COP1: variants seen among roughly 807,000 people sequenced by gnomAD.
COP1 encodes E3 ubiquitin-protein ligase COP1.
Under a neutral mutation model 101.3 loss-of-function variants are expected in COP1, and 24 were observed. The observed-to-expected ratio is 0.24, with a 90% CI of 0.17 to 0.33. The LOEUF (loss-of-function observed/expected upper bound fraction) is 0.33. COP1 is among the 10% of genes least tolerant of loss of function. COP1 has a pLI of 1.00. For missense variants in COP1, 663 were observed against 906.2 expected (o/e 0.73, Z 3.45); for synonymous variants, 347 against 341.9 (o/e 1.01, Z -0.17).
chr1:176,043,377 GACA>G, intron 13 of COP1, 110 bp from the exon 14 acceptor site: 1 of 653,878 alleles, frequency 1.5e-6, no homozygotes, highest in Non-Finnish European at 2.6e-6. Flanking sequence ...GAGAGGGAAA[GACA>G]ACAGGCTAGA....
At chr1:176,069,006 G>A (rs755316409) in intron 11 of COP1, among the ~76,000 whole-genome samples, 3 of 152,090 alleles carry the variant, frequency 2.0e-5, no homozygotes, top group Non-Finnish European at 2.9e-5. Flanking sequence ...CGGCAACATG[G>A]TGAGATCCTG....
chr1:176,081,248 T>C lies in COP1; in HGVS notation c.1181A>G (p.Glu394Gly). ...ATATCGAGTAAACTTGGACAAGCAT[T>C]CCTGAAATTCATCCAACTGGCTTGC... ...RTASQLDEFQ[E>G]CLSKFTRYNS... Residue 394 changes from glutamate (E) to glycine (G), a missense_variant, in exon 11 of 20, where the codon GAA becomes GGA. Physicochemically the swap from Glu to Gly is moderately conservative, Grantham distance 98. This residue lies in a region of COP1 where 212 missense variants were observed against 240.7 expected (regional missense o/e 0.88). Coordinates refer to ENST00000367669, the MANE Select transcript of COP1 (RefSeq NM_022457.7). The C allele has an allele frequency of 6.2e-7, 1 of 1,607,616 alleles. No individual in the cohort carries two copies. Among genetic ancestry groups the C allele is most frequent in the Non-Finnish European group, 8.5e-7 (1 of 1,176,992 alleles).
At chr1:175,995,951 GAAT>G (rs1398243494) in intron 15 of COP1, among the ~76,000 whole-genome samples, 3 of 152,066 alleles carry the variant, frequency 2.0e-5, no homozygotes, top group Middle Eastern at 3.2e-3. Context: ...CCAAAAAAGA[GAAT>G]TTTAGACCAA....
intron 18 of COP1, among the ~76,000 whole-genome samples, chr1:175,982,022 T>C (rs1030288298): frequency 2.6e-5 from 4 of 151,924 alleles, no homozygotes; most frequent in African/African-American, 9.7e-5. Context: ...AGATGAAAGA[T>C]AACAAGCGTT....
intron 14 of COP1, among the ~76,000 whole-genome samples, chr1:176,029,252 TTTAG>T (rs78986327): frequency 0.066 from 10,027 of 152,278 alleles, 412 homozygotes; most frequent in Middle Eastern, 0.12. Flanking sequence ...TCTAGAATTA[TTTAG>T]TTAAATTGCA....
At chr1:176,083,892 T>C (rs1679639912) in intron 10 of COP1, among the ~76,000 whole-genome samples, 1 of 152,162 alleles carries the variant, frequency 6.6e-6, no homozygotes, top group Non-Finnish European at 1.5e-5. Flanking sequence ...AGAGACATGT[T>C]TTACGTACAA....
intron 5 of COP1, among the ~76,000 whole-genome samples, chr1:176,150,877 T>A (rs568377444): frequency 5.8e-4 from 88 of 152,258 alleles, no homozygotes; most frequent in Middle Eastern, 6.8e-3. Flanking sequence ...TGCAGTTTAA[T>A]CTTTTTAAAG....
At chr1:175,981,964 A>G (rs772736128) in intron 18 of COP1, among the ~76,000 whole-genome samples, 11 of 152,214 alleles carry the variant, frequency 7.2e-5, no homozygotes, top group Non-Finnish European at 1.3e-4. Flanking sequence ...TAGAATTTCT[A>G]TCATCAAAAA....
Position 175,986,081 on chromosome 1 carries a change from G to A in COP1, c.2133+862C>T, listed in dbSNP as rs890257411. ...GTCGCCCAGGCTGGACTGCAGTGGC[G>A]CGATCTTGGCTCACTGCAAGCTCTG... On this transcript the variant is annotated intron_variant, in intron 18 of 19. Transcript: ENST00000367669. Among the ~76,000 whole-genome samples the A allele has an allele frequency of 6.6e-5, 10 of 152,206 alleles. No homozygotes were observed. The South Asian group carries it at 1.7e-3, about 25-fold the overall frequency.
At chr1:176,131,616 A>G (rs1008071103) in intron 8 of COP1, among the ~76,000 whole-genome samples, 11 of 151,908 alleles carry the variant, frequency 7.2e-5, no homozygotes, top group African/African-American at 2.7e-4. Flanking sequence ...ACTGTCTGGC[A>G]TTTAAATAAT....
rs1649000373 is a variant in COP1 at position 175,945,182 on chromosome 1, G to T, written c.2179-12C>A. The T allele has an allele frequency of 1.9e-6, 3 of 1,549,972 alleles. No individual in the cohort carries two copies. Among genetic ancestry groups the T allele is most frequent in the Non-Finnish European group, 2.6e-6 (3 of 1,133,766 alleles). On this transcript the variant is annotated splice_polypyrimidine_tract_variant and intron_variant, in intron 19 of 19. Transcript: ENST00000367669. Reference sequence around the variant, plus strand: ...ACCAATTCTAGCACCTAATTGGGGGGAAAAAAGGATCCATTTAATAAAATC... The same window carrying T: ...ACCAATTCTAGCACCTAATTGGGGGTAAAAAAGGATCCATTTAATAAAATC...
intron 1 of COP1, among the ~76,000 whole-genome samples, chr1:176,196,676 T>G (rs1699727949): frequency 6.6e-6 from 1 of 152,044 alleles, no homozygotes; most frequent in African/African-American, 2.4e-5. Flanking sequence ...ACCAACCACT[T>G]AAGGAAAAAC....
Position 175,996,621 on chromosome 1 carries a change from C to G in COP1, c.1730-7142G>C, listed in dbSNP as rs551405990. On this transcript the variant is annotated intron_variant, in intron 15 of 19. Coordinates refer to ENST00000367669, the MANE Select transcript of COP1 (RefSeq NM_022457.7). ...CACCAATAACAGACAAACAGAGAGC[C>G]AAATCATGAGTGAACTCCCATTCAC... 4.6e-5 allele frequency among the ~76,000 whole-genome samples: 7 copies of G among 152,004 alleles called. No homozygotes were observed. In the South Asian group the frequency reaches 1.5e-3, roughly 32 times the overall value.
chr1:176,163,759 C>A, intron 4 of COP1, 56 bp downstream of exon 4: 2 of 1,111,162 alleles, frequency 1.8e-6, no homozygotes, highest in Non-Finnish European at 2.6e-6. Context: ...AATATTAAAC[C>A]AATAAAAACA....
At chr1:175,959,785 A>T (rs953498330) in intron 18 of COP1, among the ~76,000 whole-genome samples, 2 of 152,168 alleles carry the variant, frequency 1.3e-5, no homozygotes, top group Non-Finnish European at 2.9e-5. Flanking sequence ...CTCCCTAGAG[A>T]GTCAACTACT....
At chr1:176,145,866 G>A (rs1157542415) in intron 6 of COP1, among the ~76,000 whole-genome samples, 2 of 152,182 alleles carry the variant, frequency 1.3e-5, no homozygotes, top group African/African-American at 2.4e-5. Context: ...GTTACCTAAT[G>A]GGCAAGGAAG....
chr1:176,070,253 A>G (rs1391930178), intron 11 of COP1, among the ~76,000 whole-genome samples: 2 of 151,570 alleles, frequency 1.3e-5, no homozygotes, highest in East Asian at 1.9e-4. Flanking sequence ...GTTCTTATAC[A>G]TTCTTAAATA....
At chr1:176,057,465 C>T (rs1335641665) in intron 11 of COP1, among the ~76,000 whole-genome samples, 2 of 152,168 alleles carry the variant, frequency 1.3e-5, no homozygotes, top group East Asian at 1.9e-4. Context: ...CTGCCGAGTG[C>T]CTGCGATTGC....
intron 16 of COP1, chr1:175,989,145 T>C (rs1249640471): frequency 2.7e-6 from 1 of 370,486 alleles, no homozygotes; most frequent in African/African-American, 2.0e-5. Flanking sequence ...ACTAGTATCT[T>C]CAGGATTTTA....
Sources: allele counts gnomAD v4.1 joint callset (sites outside exome capture counted in the v4.1 genomes callset), GRCh38; gene constraint gnomAD v4.1.1; regional missense constraint gnomAD v4.1.1; transcripts MANE v1.5; gene names NCBI Gene and HGNC (gene_info 2026-07-23, HGNC 2026-07-21).